The following CARMIL1 variants were observed in gnomAD, a reference collection of about 807,000 sequenced individuals.
The protein encoded by CARMIL1 is capping protein regulator and myosin 1 linker 1.
CARMIL1 carries 90 observed loss-of-function variants against 177.1 expected under a neutral mutation model. The ratio of observed to expected loss-of-function variants is 0.51; its 90% CI spans 0.43 to 0.61. The LOEUF (loss-of-function observed/expected upper bound fraction) is 0.61, where lower values mean the gene tolerates loss of function less well. CARMIL1 is among the 20% of genes least tolerant of loss of function. The pLI is 0.00. For synonymous variants in CARMIL1, 577 were observed against 606.2 expected (o/e 0.95, Z 0.71); for missense variants, 1,380 against 1,667.0 (o/e 0.83, Z 3.00).
At chr6:25,450,574 G>C in intron 7 of CARMIL1, 64 bp from the exon 8 acceptor site, 1 of 1,101,962 alleles carries the variant, frequency 9.1e-7, no homozygotes, top group Non-Finnish European at 1.4e-6. Context: ...AATTCTCACT[G>C]TCTCTCTTGC....
At chr6:25,387,114 C>CAAAAAAAAAAAAAAAAAAAAAAAAAA (rs377548646) in intron 2 of CARMIL1, among the ~76,000 whole-genome samples, 4 of 101,918 alleles carry the variant, frequency 3.9e-5, no homozygotes, top group African/African-American at 1.3e-4. Context: ...ACTCTGTCTC[C>CAAAAAAAAAAAAAAAAAAAAAAAAAA]AAAAAAAAAA....
intron 11 of CARMIL1, among the ~76,000 whole-genome samples, chr6:25,475,357 A>C (rs1436002378): frequency 2.0e-5 from 3 of 151,644 alleles, no homozygotes; most frequent in Non-Finnish European, 4.4e-5. Context: ...GCCAAGATCG[A>C]GCCACTGCAT....
intron 2 of CARMIL1, among the ~76,000 whole-genome samples, chr6:25,406,302 G>A (rs1178911913): frequency 6.6e-6 from 1 of 152,180 alleles, no homozygotes; most frequent in Non-Finnish European, 1.5e-5. Context: ...AGCTCCTAAA[G>A]CAGAGGTGGG....
Position 25,435,703 on chromosome 6 carries a change from T to C in CARMIL1, c.371+99T>C, listed in dbSNP as rs74633044. 3,018 of 1,304,298 alleles carry C rather than the reference T, an allele frequency of 2.3e-3. 37 individuals carry two copies. In the African/African-American group the frequency reaches 0.035, roughly 15 times the overall value. 80.8% of individuals were successfully genotyped at this position (1,304,298 alleles called of 1,614,324 possible). Reference sequence around the variant, plus strand: ...TCTTTTTACCCCTTCACTTAGTTCCTCTCTCAGACTTCCTTCTCCTCTTAA... The same window carrying C: ...TCTTTTTACCCCTTCACTTAGTTCCCCTCTCAGACTTCCTTCTCCTCTTAA... On this transcript the variant is annotated intron_variant, in intron 5 of 36. Transcript: ENST00000329474.
intron 2 of CARMIL1, among the ~76,000 whole-genome samples, chr6:25,385,809 C>G (rs1023458745): frequency 2.6e-5 from 4 of 152,156 alleles, no homozygotes. Context: ...ACTCATTATT[C>G]CAGTCTGTAG....
intron 2 of CARMIL1, among the ~76,000 whole-genome samples, chr6:25,401,279 CAA>C (rs5875033): frequency 0.42 from 63,447 of 151,570 alleles, 13,436 homozygotes; most frequent in Middle Eastern, 0.56. Flanking sequence ...ATTTTATACA[CAA>C]ACACACACAC....
intron 29 of CARMIL1, chr6:25,563,378 A>G (rs1811300089): frequency 1.0e-6 from 1 of 985,306 alleles, no homozygotes; most frequent in South Asian, 4.7e-5. Flanking sequence ...GGAGAAAACA[A>G]TGTTTTTAAA....
chr6:25,553,191 A>G (rs1741534226), intron 27 of CARMIL1, among the ~76,000 whole-genome samples: 1 of 152,142 alleles, frequency 6.6e-6, no homozygotes, highest in South Asian at 2.1e-4. Flanking sequence ...ACAATATTGG[A>G]ATATAGGTAT....
At chr6:25,613,586 C>G (rs951286619) in intron 36 of CARMIL1, among the ~76,000 whole-genome samples, 1 of 152,102 alleles carries the variant, frequency 6.6e-6, no homozygotes, top group African/African-American at 2.4e-5. Flanking sequence ...GCTCTGCCCT[C>G]CAATGGGAAA....
rs150635936 is a variant in CARMIL1 at position 25,491,718 on chromosome 6, TA to T, written c.1066-13del. On this transcript the variant is annotated splice_polypyrimidine_tract_variant and intron_variant, in intron 13 of 36. Coordinates refer to ENST00000329474, the MANE Select transcript of CARMIL1 (RefSeq NM_017640.6). Reference sequence around the variant, plus strand: ...TTCTAGAATCCTAACATTTATCTTTTATTTTTTTTCAAGCACATGTATAATT... The same window carrying T: ...TTCTAGAATCCTAACATTTATCTTTTTTTTTTTTCAAGCACATGTATAATT... The T allele has an allele frequency of 7.0e-5, 107 of 1,538,312 alleles. 1 individual carries two copies. In the East Asian group the frequency reaches 1.7e-3, roughly 25 times the overall value.
intron 2 of CARMIL1, among the ~76,000 whole-genome samples, chr6:25,313,695 T>TATATATGTGTATATATATA (rs1561970791): frequency 8.4e-6 from 1 of 119,030 alleles, no homozygotes; most frequent in African/African-American, 4.2e-5. Context: ...ATATATACAG[T>TATATATGTGTATATATATA]TATTTGGGAG....
rs572759179 is a variant in CARMIL1 at position 25,496,261 on chromosome 6, T to G, written c.1325+1046T>G. Among the ~76,000 whole-genome samples, 16 of 152,182 alleles carry G rather than the reference T, an allele frequency of 1.1e-4. No homozygotes were observed. The East Asian group carries it at 3.1e-3, about 29-fold the overall frequency. ...GGGAGGCTGAGGTGGGCAGATCACT[T>G]GAGGTCAGGAGTTTCAGACCAGCTT... is the stretch of plus-strand genomic sequence containing the variant. On this transcript the variant is annotated intron_variant, in intron 16 of 36. Transcript: ENST00000329474.
Position 25,556,921 on chromosome 6 carries a change from T to TTA in CARMIL1, c.2742+71_2742+72insTA, listed in dbSNP as rs1554223600. On this transcript the variant is annotated intron_variant, in intron 29 of 36. Transcript: ENST00000329474. ...GTGCCATTGTTTTTTTTTTTTTTTT[T>TTA]AAATCTCACCTTTTGAAATCAGACC... The TTA allele has an allele frequency of 2.6e-3, 3,512 of 1,354,430 alleles. 14 individuals carry two copies. The highest frequency in any genetic ancestry group is 4.4e-3 in the African/African-American group (294 of 66,476). The allele number at this position is 1,354,430 out of a possible 1,614,324, so 83.9% of individuals were successfully genotyped here. A position where few individuals can be genotyped will look rare whatever the true frequency, so the allele number is the denominator to read the frequency against.
chr6:25,307,549 T>C (rs551446888), intron 2 of CARMIL1, among the ~76,000 whole-genome samples: 1 of 152,376 alleles, frequency 6.6e-6, no homozygotes, highest in South Asian at 2.1e-4. Context: ...TGGAATTATT[T>C]CCAGGTTTTG....
intron 24 of CARMIL1, among the ~76,000 whole-genome samples, chr6:25,532,610 C>G (rs548163593): frequency 4.6e-5 from 7 of 152,198 alleles, no homozygotes; most frequent in Non-Finnish European, 7.3e-5. Context: ...CCATCATTCT[C>G]AGTCATCATT....
At chr6:25,463,615 T>G (rs1242226753) in intron 8 of CARMIL1, among the ~76,000 whole-genome samples, 1 of 152,242 alleles carries the variant, frequency 6.6e-6, no homozygotes, top group Non-Finnish European at 1.5e-5. Context: ...GCCATCATTC[T>G]GAATGTTGAA....
At chr6:25,449,856 A>C in intron 5 of CARMIL1, 42 bp from the exon 6 acceptor site, 3 of 1,227,166 alleles carry the variant, frequency 2.4e-6, no homozygotes, top group Non-Finnish European at 2.3e-6. Flanking sequence ...TGCAGTCAAA[A>C]AGTGTGGTTT....
chr6:25,595,892 G>A (rs1335048900), intron 32 of CARMIL1, among the ~76,000 whole-genome samples: 1 of 152,132 alleles, frequency 6.6e-6, no homozygotes, highest in Non-Finnish European at 1.5e-5. Flanking sequence ...TTTTGTTATA[G>A]CTTCAATGTC....
chr6:25,530,300 AG>A (rs1184758319), intron 24 of CARMIL1, among the ~76,000 whole-genome samples: 2 of 152,160 alleles, frequency 1.3e-5, no homozygotes, highest in Admixed American at 6.5e-5. Flanking sequence ...GGTGGATCAC[AG>A]GAGTTTCAGA....
Sources: gnomAD v4.1 joint callset for allele counts (sites outside exome capture counted in the v4.1 genomes callset) on GRCh38, gnomAD v4.1.1 for gene constraint, MANE v1.5 for transcripts, NCBI Gene and HGNC (gene_info 2026-07-23, HGNC 2026-07-21) for gene names.